MGAT4C: variants seen among roughly 807,000 people sequenced by gnomAD.
The protein encoded by MGAT4C is MGAT4 family member C.
MGAT4C carries 19 observed loss-of-function variants against 40.1 expected under a neutral mutation model. That is an observed-to-expected ratio of 0.47 (90% confidence interval 0.33 to 0.70). The LOEUF (loss-of-function observed/expected upper bound fraction) is 0.70. MGAT4C is among the 30% of genes least tolerant of loss of function. The pLI, the probability that MGAT4C is intolerant of heterozygous loss-of-function variation, is 0.02. For synonymous variants in MGAT4C, 181 were observed against 187.1 expected, an observed-to-expected ratio of 0.97 and a Z score of 0.27; for missense variants, 491 against 563.2, an observed-to-expected ratio of 0.87 and a Z score of 1.30.
chr12:86,644,410 GAATA>G (rs138507370), intron 2 of MGAT4C, among the ~76,000 whole-genome samples: 17,876 of 151,528 alleles, frequency 0.12, 1,708 homozygotes, highest in African/African-American at 0.27. Flanking sequence ...AAACAAATCA[GAATA>G]AATAGAATTT....
intron 1 of MGAT4C, among the ~76,000 whole-genome samples, chr12:86,191,751 G>GGTGTGTGTGT (rs570173863): frequency 0.14 from 14,001 of 98,344 alleles, 1,233 homozygotes; most frequent in East Asian, 0.25. Flanking sequence ...AGGAGATAAA[G>GGTGTGTGTGT]GTGTGTGTGT....
At chr12:86,696,602 T>C (rs1037942296) in intron 2 of MGAT4C, among the ~76,000 whole-genome samples, 1 of 152,168 alleles carries the variant, frequency 6.6e-6, no homozygotes, top group African/African-American at 2.4e-5. Context: ...TTTATGACCA[T>C]CTCATTTGGA....
intron 1 of MGAT4C, among the ~76,000 whole-genome samples, chr12:86,187,226 C>T (rs1274768396): frequency 6.6e-6 from 1 of 152,058 alleles, no homozygotes; most frequent in African/African-American, 2.4e-5. Context: ...ACCCTGAATG[C>T]ACCCAATCTA....
chr12:86,464,824 C>A (rs1321654658), intron 2 of MGAT4C, among the ~76,000 whole-genome samples: 3 of 151,804 alleles, frequency 2.0e-5, no homozygotes, highest in African/African-American at 7.3e-5. Flanking sequence ...ATACTAATAT[C>A]ATTTCACTTA....
At chr12:86,801,612 C>A (rs1036810202) in intron 1 of MGAT4C, among the ~76,000 whole-genome samples, 1 of 151,658 alleles carries the variant, frequency 6.6e-6, no homozygotes, top group African/African-American at 2.4e-5. Flanking sequence ...TACAGATGGG[C>A]AGCTGATGAC....
intron 2 of MGAT4C, among the ~76,000 whole-genome samples, chr12:86,477,176 C>CT (rs1957849737): frequency 6.6e-6 from 1 of 151,294 alleles, no homozygotes; most frequent in Non-Finnish European, 1.5e-5. Context: ...GTAAAATTGA[C>CT]TTTTGTACAT....
intron 1 of MGAT4C, among the ~76,000 whole-genome samples, chr12:86,056,858 G>T (rs913220392): frequency 1.3e-5 from 2 of 152,108 alleles, no homozygotes; most frequent in African/African-American, 4.8e-5. Context: ...CAGTGTAAAA[G>T]CATTCCTATT....
rs144041505 is a variant in MGAT4C, at chr12:85,964,583, T to C, written c.*14706A>G. On this transcript the variant is annotated 3_prime_UTR_variant, in exon 5 of 5. Transcript: ENST00000611864. The stretch of plus-strand genomic sequence containing the variant: ...AATACATCATGTTTACTGGTAAAGA[T>C]AACATTATTTAAGGAAGGTAAGATA... 6.6e-6 allele frequency: 1 copy of C among 152,102 alleles called. No individual in the cohort carries two copies. The highest frequency in any genetic ancestry group is 2.4e-5 in the African/African-American group (1 of 41,432). The allele number at this position is 152,102 out of a possible 1,614,324, so 9.4% of individuals were successfully genotyped here. A position where few individuals can be genotyped will look rare whatever the true frequency, so the allele number is the denominator to read the frequency against.
chr12:86,015,271 C>T (rs965804358), intron 2 of MGAT4C, among the ~76,000 whole-genome samples: 10 of 147,366 alleles, frequency 6.8e-5, no homozygotes, highest in African/African-American at 2.5e-4. Context: ...GTGTTTTCCG[C>T]TAGGAAATGA....
chr12:86,497,173 G>T (rs1343778680), intron 2 of MGAT4C, among the ~76,000 whole-genome samples: 1 of 151,798 alleles, frequency 6.6e-6, no homozygotes, highest in Non-Finnish European at 1.5e-5. Context: ...GTACTTCCTT[G>T]TAATTGATTT....
At chr12:86,660,096 A>G (rs1963945044) in intron 2 of MGAT4C, among the ~76,000 whole-genome samples, 1 of 152,136 alleles carries the variant, frequency 6.6e-6, no homozygotes, top group East Asian at 1.9e-4. Flanking sequence ...CAGACAATGC[A>G]TTATGAAGTT....
Position 85,970,830 on chromosome 12 carries a change from T to C in MGAT4C, c.*8459A>G, listed in dbSNP as rs1007277679. The C allele has an allele frequency of 6.6e-6, 1 of 151,292 alleles. No homozygotes were observed. Among genetic ancestry groups the C allele is most frequent in the Non-Finnish European group, 1.5e-5 (1 of 67,400 alleles). 9.4% of individuals were successfully genotyped at this position (151,292 alleles called of 1,614,324 possible). ...GAAATGTTGATATAGTATGTACAAC[T>C]TGTTTCTTAAGTTACTAAAAATGTA... On this transcript the variant is annotated 3_prime_UTR_variant, in exon 5 of 5. Transcript: ENST00000611864.
intron 1 of MGAT4C, among the ~76,000 whole-genome samples, chr12:86,079,878 T>C (rs1870499967): frequency 1.3e-5 from 2 of 152,054 alleles, no homozygotes; most frequent in East Asian, 1.9e-4. Flanking sequence ...AATTTACAGC[T>C]CTTAACTCAC....
At chr12:86,120,460 C>T (rs571171456) in intron 1 of MGAT4C, among the ~76,000 whole-genome samples, 61 of 152,234 alleles carry the variant, frequency 4.0e-4, no homozygotes, top group Non-Finnish European at 8.2e-4. Flanking sequence ...GTCCCTGACC[C>T]CTGAGTAGTC....
intron 4 of MGAT4C, among the ~76,000 whole-genome samples, chr12:86,267,574 T>G (rs1033603378): frequency 6.6e-6 from 1 of 152,164 alleles, no homozygotes; most frequent in Non-Finnish European, 1.5e-5. Context: ...AGAGCTGTCT[T>G]TTTAATTCAC....
chr12:86,701,958 G>T (rs1950371157), intron 2 of MGAT4C, among the ~76,000 whole-genome samples: 1 of 152,142 alleles, frequency 6.6e-6, no homozygotes, highest in Admixed American at 6.6e-5. Flanking sequence ...AGCAAGTTCT[G>T]ATGTAGAAGC....
intron 1 of MGAT4C, chr12:86,727,383 T>C (rs1950839418): frequency 6.6e-6 from 1 of 152,112 alleles, no homozygotes; most frequent in Admixed American, 6.5e-5. Flanking sequence ...TAGAGGAGTG[T>C]ATATTTATCT....
intron 3 of MGAT4C, among the ~76,000 whole-genome samples, chr12:86,420,645 T>C (rs1284095084): frequency 1.3e-5 from 2 of 152,070 alleles, no homozygotes; most frequent in East Asian, 1.9e-4. Context: ...TTGAGATGTA[T>C]AACAACTTGC....
chr12:86,656,118 A>AT (rs1963844368), intron 2 of MGAT4C, among the ~76,000 whole-genome samples: 1 of 152,076 alleles, frequency 6.6e-6, no homozygotes, highest in African/African-American at 2.4e-5. Flanking sequence ...AAATTATGTT[A>AT]TTTTTTAAAA....
Sources: gnomAD v4.1 joint callset for allele counts (sites outside exome capture counted in the v4.1 genomes callset) on GRCh38, gnomAD v4.1.1 for gene constraint, MANE v1.5 for transcripts, NCBI Gene and HGNC (gene_info 2026-07-23, HGNC 2026-07-21) for gene names.